STAU2: variants seen among roughly 807,000 people sequenced by gnomAD.
The protein encoded by STAU2 is double-stranded RNA-binding protein Staufen homolog 2.
A neutral mutation model predicts 65.9 loss-of-function variants in STAU2; 20 were observed. That is an observed-to-expected ratio of 0.30 (90% CI 0.21 to 0.44). The LOEUF (loss-of-function observed/expected upper bound fraction) is 0.44. Ranked by LOEUF, STAU2 falls within the 20% of genes least tolerant of loss-of-function variation. The pLI is 1.00. For synonymous variants in STAU2, 232 were observed against 233.9 expected (o/e 0.99, Z 0.07); for missense variants, 558 against 683.9 (o/e 0.82, Z 2.05).
intron 13 of STAU2, among the ~76,000 whole-genome samples, chr8:73,532,427 C>T (rs1218363561): frequency 6.6e-6 from 1 of 152,054 alleles, no homozygotes; most frequent in Non-Finnish European, 1.5e-5. Context: ...GTGGCTCACA[C>T]CTGTAATCCC....
rs1812803248 is a variant in STAU2 at position 73,615,892 on chromosome 8, T to C, written c.571-110A>G. 3.9e-6 allele frequency: 3 copies of C among 759,952 alleles called. No individual in the cohort carries two copies. The Admixed American group carries it at 6.6e-5, about 17-fold the overall frequency. The allele number at this position is 759,952 out of a possible 1,614,324, so 47.1% of individuals were successfully genotyped here. A position where few individuals can be genotyped will look rare whatever the true frequency, so the allele number is the denominator to read the frequency against. ...AATTACAAGAAGAAACAACAAACTATATAGACTGTATCTGCTGCATTCTCC... is the reference window on the plus strand; with the variant it reads ...AATTACAAGAAGAAACAACAAACTACATAGACTGTATCTGCTGCATTCTCC... On this transcript the variant is annotated intron_variant, in intron 7 of 14. Transcript: ENST00000524300.
intron 12 of STAU2, among the ~76,000 whole-genome samples, chr8:73,553,062 G>C (rs1346316231): frequency 2.0e-5 from 3 of 152,188 alleles, no homozygotes; most frequent in Admixed American, 6.5e-5. Flanking sequence ...CCATGGACAG[G>C]TTCTGAAATC....
intron 6 of STAU2, among the ~76,000 whole-genome samples, chr8:73,635,908 CCA>C (rs756554962): frequency 6.4e-4 from 48 of 74,928 alleles, no homozygotes; most frequent in South Asian, 4.0e-3. Context: ...GACCCCTGAA[CCA>C]CACACACACA....
At chr8:73,435,311 T>C (rs931570513) in intron 13 of STAU2, among the ~76,000 whole-genome samples, 2 of 151,926 alleles carry the variant, frequency 1.3e-5, no homozygotes, top group African/African-American at 4.9e-5. Flanking sequence ...AACCCTTGGC[T>C]GGTGGGGCCC....
At chr8:73,616,831 G>C (rs1812864198) in intron 7 of STAU2, among the ~76,000 whole-genome samples, 1 of 151,842 alleles carries the variant, frequency 6.6e-6, no homozygotes, top group African/African-American at 2.4e-5. Flanking sequence ...GCTATGTATA[G>C]GACATGCCTG....
intron 13 of STAU2, among the ~76,000 whole-genome samples, chr8:73,432,183 C>T (rs948553150): frequency 6.6e-6 from 1 of 152,110 alleles, no homozygotes; most frequent in Admixed American, 6.5e-5. Flanking sequence ...TTTGTTTTGC[C>T]TTTTCTCCCT....
intron 5 of STAU2, among the ~76,000 whole-genome samples, chr8:73,677,481 C>T (rs749311682): frequency 1.3e-5 from 2 of 152,070 alleles, no homozygotes; most frequent in Non-Finnish European, 2.9e-5. Flanking sequence ...ATTATGTATA[C>T]TTATGCAATA....
chr8:73,605,915 ACAC>A (rs1812003146), intron 9 of STAU2, among the ~76,000 whole-genome samples: 1 of 139,376 alleles, frequency 7.2e-6, no homozygotes, highest in Non-Finnish European at 1.6e-5. Context: ...ACACACACAC[ACAC>A]GGTCACATGA....
intron 6 of STAU2, among the ~76,000 whole-genome samples, chr8:73,636,336 C>T (rs781338032): frequency 3.3e-5 from 5 of 151,692 alleles, no homozygotes; most frequent in African/African-American, 7.3e-5. Flanking sequence ...AAGATTGCAC[C>T]ACTGCACTCC....
rs189001224 is a variant in STAU2 at position 73,722,569 on chromosome 8, G to A, written c.-17-13407C>T. ...ATTTTTCATCTTTCAGTACTTTAAA[G>A]ATGCTTCCCCAGTTTGCTTGCTTAT... On this transcript the variant is annotated intron_variant, in intron 3 of 14. Coordinates refer to ENST00000524300, the MANE Select transcript of STAU2 (RefSeq NM_001164380.2). Among the ~76,000 whole-genome samples, 78 of 152,264 alleles carry A rather than the reference G, an allele frequency of 5.1e-4. 2 individuals are homozygous for A. Among genetic ancestry groups the A allele is most frequent in the Admixed American group, 1.1e-3 (17 of 15,290 alleles).
At chr8:73,457,080 T>A (rs1179041657) in intron 13 of STAU2, among the ~76,000 whole-genome samples, 1 of 152,232 alleles carries the variant, frequency 6.6e-6, no homozygotes, top group Non-Finnish European at 1.5e-5. Flanking sequence ...TAAATTAGAT[T>A]TTTTTCATAA....
intron 6 of STAU2, among the ~76,000 whole-genome samples, chr8:73,646,726 T>C (rs1314045826): frequency 1.3e-5 from 2 of 151,812 alleles, no homozygotes; most frequent in African/African-American, 4.8e-5. Flanking sequence ...CTGGACTTCA[T>C]CAAAATAAAA....
At chr8:73,562,063 G>T (rs936270901) in intron 12 of STAU2, among the ~76,000 whole-genome samples, 3 of 152,156 alleles carry the variant, frequency 2.0e-5, no homozygotes, top group African/African-American at 7.2e-5. Flanking sequence ...GAAGTTCTGG[G>T]CATTTAGATT....
chr8:73,623,454 T>C (rs1459226489), intron 6 of STAU2, among the ~76,000 whole-genome samples: 1 of 152,174 alleles, frequency 6.6e-6, no homozygotes, highest in Non-Finnish European at 1.5e-5. Context: ...AGCTTAAACA[T>C]TCATATCTCC....
At chr8:73,638,577 A>G (rs1367594649) in intron 6 of STAU2, among the ~76,000 whole-genome samples, 1 of 151,670 alleles carries the variant, frequency 6.6e-6, no homozygotes, top group Non-Finnish European at 1.5e-5. Flanking sequence ...CAGTCTAATA[A>G]AATTCCACCC....
chr8:73,628,659 A>G (rs1212208844), intron 6 of STAU2, among the ~76,000 whole-genome samples: 1 of 152,198 alleles, frequency 6.6e-6, no homozygotes, highest in African/African-American at 2.4e-5. Flanking sequence ...CTCTCCATTA[A>G]GTCCACAAGC....
intron 12 of STAU2, among the ~76,000 whole-genome samples, chr8:73,561,180 T>C (rs1808197793): frequency 6.6e-6 from 1 of 152,188 alleles, no homozygotes; most frequent in Non-Finnish European, 1.5e-5. Flanking sequence ...ACAAGGGCAG[T>C]GCACATTGTA....
At chr8:73,437,040 G>A (rs1399958490) in intron 13 of STAU2, among the ~76,000 whole-genome samples, 1 of 152,054 alleles carries the variant, frequency 6.6e-6, no homozygotes, top group Admixed American at 6.6e-5. Context: ...ACATTTCCTT[G>A]ATAGTCTCAA....
At chr8:73,591,950 T>C (rs1370262420) in intron 11 of STAU2, among the ~76,000 whole-genome samples, 1 of 116,794 alleles carries the variant, frequency 8.6e-6, no homozygotes, top group Admixed American at 8.5e-5. Flanking sequence ...CTTGTCAAAA[T>C]GTGTAGGGCA....
Sources: allele counts gnomAD v4.1 joint callset (sites outside exome capture counted in the v4.1 genomes callset), GRCh38; gene constraint gnomAD v4.1.1; transcripts MANE v1.5; gene names NCBI Gene and HGNC (gene_info 2026-07-23, HGNC 2026-07-21).